The following EPS8L3 variants were observed in gnomAD, a reference collection of about 807,000 sequenced individuals.
EPS8L3 encodes epidermal growth factor receptor kinase substrate 8-like protein 3.
Under a neutral mutation model 88.5 loss-of-function variants are expected in EPS8L3, and 80 were observed. The ratio of observed to expected loss-of-function variants is 0.90; its 90% CI spans 0.75 to 1.09. The LOEUF (loss-of-function observed/expected upper bound fraction) is 1.09. EPS8L3 is among the 50% of genes least tolerant of loss of function. The pLI, the probability that EPS8L3 is intolerant of heterozygous loss-of-function variation, is 0.00. For synonymous variants in EPS8L3, 286 were observed against 291.0 expected (o/e 0.98, Z 0.18); for missense variants, 721 against 735.2 (o/e 0.98, Z 0.22).
In EPS8L3 at chr1:109,761,570, A is replaced by G. The variant is rs962245206; in HGVS notation, c.32-11T>C. The G allele has an allele frequency of 1.9e-6, 3 of 1,613,608 alleles. No individual in the cohort carries two copies. The highest frequency in any genetic ancestry group is 2.5e-6 in the Non-Finnish European group (3 of 1,179,806). On this transcript the variant is annotated splice_polypyrimidine_tract_variant and intron_variant, in intron 2 of 18. Transcript: ENST00000361965. ...ACTCCTTCCGGTGCACTACAAGGGC[A>G]CAGAGCAAGGGGCGGGAGGTGGGCA...
At chr1:109,752,859 A>G in intron 13 of EPS8L3, 139 bp from the exon 14 acceptor site, 1 of 822,842 alleles carries the variant, frequency 1.2e-6, no homozygotes, top group Non-Finnish European at 2.0e-6. Context: ...CCCAGTTTAC[A>G]GATACAGGTA....
chr1:109,761,642 A>G (rs1650969331), intron 2 of EPS8L3, 77 bp downstream of exon 2: 1 of 1,605,700 alleles, frequency 6.2e-7, no homozygotes, highest in South Asian at 1.1e-5. Flanking sequence ...AGTTGGTGTG[A>G]GGAAGGGGGA....
chr1:109,762,947 G>A (rs913447747), intron 1 of EPS8L3, among the ~76,000 whole-genome samples: 1 of 152,232 alleles, frequency 6.6e-6, no homozygotes, highest in African/African-American at 2.4e-5. Flanking sequence ...TGTGTCCCGG[G>A]TGGGGGTGGT....
Position 109,761,959 on chromosome 1 carries a change from C to T in EPS8L3, c.-24-186G>A, listed in dbSNP as rs139058136. Among the ~76,000 whole-genome samples the T allele has an allele frequency of 4.5e-4, 69 of 152,276 alleles. 1 individual carries two copies. The highest frequency in any genetic ancestry group is 1.5e-3 in the African/African-American group (64 of 41,564). ...GTCCTCCACTGAGGAGCCCTCCATC[C>T]TGGCTGGGCCTGGAGGCCCCGGGCT... is the stretch of plus-strand genomic sequence containing the variant. On this transcript the variant is annotated intron_variant, in intron 1 of 18. Transcript: ENST00000361965.
chr1:109,754,409 T>C (rs1570683530), intron 12 of EPS8L3, among the ~76,000 whole-genome samples: 1 of 152,208 alleles, frequency 6.6e-6, no homozygotes, highest in South Asian at 2.1e-4. Context: ...GAAATTCAAC[T>C]CTTTTGAGGG....
At chr1:109,750,557 T>C (rs1431138577) in intron 18 of EPS8L3, 103 bp downstream of exon 18, 27 of 1,593,230 alleles carry the variant, frequency 1.7e-5, no homozygotes, top group Non-Finnish European at 1.7e-6. Flanking sequence ...CACACTCAGT[T>C]CTGCCCCAGG....
chr1:109,757,406 C>G, intron 11 of EPS8L3, 75 bp downstream of exon 11: 1 of 1,442,356 alleles, frequency 6.9e-7, no homozygotes, highest in Non-Finnish European at 9.7e-7. Flanking sequence ...CCCCCTCCAC[C>G]AGCTCCTTTC....
At chr1:109,750,861 A>G in intron 17 of EPS8L3, 69 bp from the exon 18 acceptor site, 3 of 1,585,310 alleles carry the variant, frequency 1.9e-6, no homozygotes, top group Non-Finnish European at 2.6e-6. Flanking sequence ...GTTTGGGCAG[A>G]GACAGGGCTC....
At chr1:109,750,585 T>C (rs1649686311) in intron 18 of EPS8L3, 75 bp downstream of exon 18, 1 of 1,605,384 alleles carries the variant, frequency 6.2e-7, no homozygotes, top group Admixed American at 1.7e-5. Flanking sequence ...CTGCAGGCTT[T>C]TCCAACTGGC....
chr1:109,756,262 G>T (rs1650275205), intron 12 of EPS8L3, among the ~76,000 whole-genome samples: 1 of 152,122 alleles, frequency 6.6e-6, no homozygotes, highest in African/African-American at 2.4e-5. Context: ...TTTTGAGATG[G>T]AGTTTTGCTC....
At position 109,750,299 on chromosome 1, in the gene EPS8L3, T is replaced by C; in HGVS notation, c.*92A>G. ...GTGTGGGGTTTGCTGCAAACTGGGA[T>C]CCAGAAGAGGAATTCTCGGGGCTCT... On this transcript the variant is annotated 3_prime_UTR_variant, in exon 19 of 19. Coordinates refer to ENST00000361965, the MANE Select transcript of EPS8L3 (RefSeq NM_133181.4). 6.6e-7 allele frequency: 1 copy of C among 1,509,894 alleles called. No individual in the cohort carries two copies. 93.5% of individuals were successfully genotyped at this position (1,509,894 alleles called of 1,614,324 possible). A position where few individuals can be genotyped will look rare whatever the true frequency, so the allele number is the denominator to read the frequency against.
At position 109,759,682 on chromosome 1, in the gene EPS8L3, G is replaced by A. The variant is rs754075620; in HGVS notation, c.251C>T (p.Thr84Ile). The change falls in exon 4 of 19, where the codon ACC becomes ATC. Residue 84 changes from threonine to isoleucine, a missense_variant. Physicochemically the swap from Thr to Ile is moderately conservative, Grantham distance 89. Coordinates refer to ENST00000361965, the MANE Select transcript of EPS8L3 (RefSeq NM_133181.4). The surrounding 1 kb of genome is among the most constrained non-coding windows in gnomAD (Gnocchi z 4.2). The part of the protein sequence containing the change: ...DGWLQLLDIE[T>I]KEELDSYRLD... ...GGGTTTGCTGGGAAGGCTGACCTTGGTCTCAATGTCCAGCAGCTGCAGCCA... is the reference window on the plus strand; with the variant it reads ...GGGTTTGCTGGGAAGGCTGACCTTGATCTCAATGTCCAGCAGCTGCAGCCA... The A allele has an allele frequency of 6.2e-7, 1 of 1,613,556 alleles. No individual in the cohort carries two copies. Among genetic ancestry groups the A allele is most frequent in the East Asian group, 2.2e-5 (1 of 44,886 alleles).
chr1:109,752,190 C>T lies in EPS8L3; in HGVS notation c.1239G>A (p.Arg413=), dbSNP rs2101407513. Residue 413 remains arginine, a synonymous_variant, in exon 15 of 19, where the codon CGG becomes CGA. Transcript: ENST00000361965. ...AGGTGCTCCCTAACCTATGACTTCC[C>T]CGCCTAAGAAACAGAGTCAGGATGG... The part of the protein sequence containing the change: ...LGYQDPVSLR[R]GSHRLGSTSH... The T allele has an allele frequency of 6.2e-7, 1 of 1,610,734 alleles. No homozygotes were observed. Among genetic ancestry groups the T allele is most frequent in the Non-Finnish European group, 8.5e-7 (1 of 1,177,832 alleles).
chr1:109,753,068 A>T, intron 13 of EPS8L3, 49 bp downstream of exon 13: 1 of 1,513,982 alleles, frequency 6.6e-7, no homozygotes, highest in South Asian at 1.1e-5. Flanking sequence ...GGCAGAAACT[A>T]GCCAGGGACT....
intron 13 of EPS8L3, 138 bp from the exon 14 acceptor site, chr1:109,752,858 C>G (rs940871622): frequency 2.4e-6 from 2 of 828,072 alleles, no homozygotes; most frequent in African/African-American, 3.4e-5. Context: ...CCCCAGTTTA[C>G]AGATACAGGT....
Position 109,763,656 on chromosome 1 carries a change from C to T in EPS8L3, c.-25+166G>A, listed in dbSNP as rs556070491. Reference sequence around the variant, plus strand: ...GACCTCGCTCTGCTTTCCAGCCCACCAGCCAGCTGCTGAGTCCCAAGCCCC... The same window carrying T: ...GACCTCGCTCTGCTTTCCAGCCCACTAGCCAGCTGCTGAGTCCCAAGCCCC... On this transcript the variant is annotated intron_variant, in intron 1 of 18. Transcript: ENST00000361965. 2.0e-5 allele frequency among the ~76,000 whole-genome samples: 3 copies of T among 152,334 alleles called. No homozygotes were observed. The East Asian group carries it at 5.8e-4, about 29-fold the overall frequency.
chr1:109,757,362 T>C (rs1044466729), intron 11 of EPS8L3, 119 bp downstream of exon 11: 1 of 1,159,234 alleles, frequency 8.6e-7, no homozygotes, highest in Non-Finnish European at 1.2e-6. Context: ...TGACCCCAGC[T>C]CATCTGGTTC....
chr1:109,756,960 G>T lies in EPS8L3; in HGVS notation c.1118+57C>A, dbSNP rs1190052452. 5 of 1,609,260 alleles carry T rather than the reference G, an allele frequency of 3.1e-6. No homozygotes were observed. In the Admixed American group the frequency reaches 5.0e-5, roughly 16 times the overall value. ...AGAGCCTGGCCACCTCTGATGTCCTGCCTGATGCCTCCATGCCCCTCACCC... is the reference window on the plus strand; with the variant it reads ...AGAGCCTGGCCACCTCTGATGTCCTTCCTGATGCCTCCATGCCCCTCACCC... On this transcript the variant is annotated intron_variant, in intron 12 of 18. Coordinates refer to ENST00000361965, the MANE Select transcript of EPS8L3 (RefSeq NM_133181.4).
Position 109,759,898 on chromosome 1 carries a change from G to T in EPS8L3, c.97-62C>A. 6.4e-7 allele frequency: 1 copy of T among 1,560,270 alleles called. No homozygotes were observed. The highest frequency in any genetic ancestry group is 1.4e-5 in the African/African-American group (1 of 73,830). On this transcript the variant is annotated intron_variant, in intron 3 of 18. Coordinates refer to ENST00000361965, the MANE Select transcript of EPS8L3 (RefSeq NM_133181.4). This position sits in a 1 kb window ranked among gnomAD's most constrained non-coding sequence, Gnocchi z 4.2. ...GCTCAGAGAGGTGGACCACAGGCGTGCTGGGTAGAGAAAAGCAGAAGAGGA... is the reference window on the plus strand; with the variant it reads ...GCTCAGAGAGGTGGACCACAGGCGTTCTGGGTAGAGAAAAGCAGAAGAGGA...
Sources: gnomAD v4.1 joint callset for allele counts (sites outside exome capture counted in the v4.1 genomes callset) on GRCh38, gnomAD v4.1.1 for gene constraint, Gnocchi (gnomAD v3.1) non-coding constraint, MANE v1.5 for transcripts, NCBI Gene and HGNC (gene_info 2026-07-23, HGNC 2026-07-21) for gene names.